The following CCDC57 variants were observed in gnomAD, a reference collection of about 807,000 sequenced individuals.
CCDC57 encodes the protein coiled-coil domain-containing protein 57.
A neutral mutation model predicts 118.9 loss-of-function variants in CCDC57; 118 were observed. The observed-to-expected ratio is 0.99, with a 90% CI of 0.86 to 1.16. CCDC57 has a LOEUF of 1.16. Among genes scored for constraint, CCDC57 ranks in the 50% most tolerant of loss-of-function variants. CCDC57 has a pLI of 0.00. For synonymous variants in CCDC57, 527 were observed against 532.9 expected (o/e 0.99, Z 0.15); for missense variants, 1,300 against 1,320.7 (o/e 0.98, Z 0.24).
chr17:82,121,050 C>T (rs528900661), intron 19 of CCDC57, among the ~76,000 whole-genome samples: 102 of 152,210 alleles, frequency 6.7e-4, no homozygotes, highest in African/African-American at 1.8e-3. Context: ...CTACCGCGCC[C>T]GGCCTCTTGC....
intron 2 of CCDC57, among the ~76,000 whole-genome samples, chr17:82,206,961 AG>A (rs765449551): frequency 1.3e-5 from 2 of 152,234 alleles, no homozygotes; most frequent in Non-Finnish European, 2.9e-5. Flanking sequence ...AAACAAAGAC[AG>A]TAACAGCCCT....
rs2036177748 is a variant in CCDC57, at chr17:82,118,192, G to T, written c.2899+9500C>A. 1.3e-5 allele frequency among the ~76,000 whole-genome samples: 2 copies of T among 152,170 alleles called. No homozygotes were observed. Among genetic ancestry groups the T allele is most frequent in the Non-Finnish European group, 2.9e-5 (2 of 68,030 alleles). On this transcript the variant is annotated intron_variant, in intron 19 of 19. Coordinates refer to ENST00000665763, the Ensembl canonical transcript of CCDC57. This position sits in a 1 kb window ranked among gnomAD's most constrained non-coding sequence, Gnocchi z 4.7. ...CACATATATTTAAAAAACCACTTCT[G>T]TTCTGAGGGTGGCTGGGGAGTCTGG...
At chr17:82,149,229 G>C (rs1312409596) in intron 16 of CCDC57, among the ~76,000 whole-genome samples, 1 of 139,408 alleles carries the variant, frequency 7.2e-6, no homozygotes, top group Non-Finnish European at 1.6e-5. Context: ...GGGTGGGTGG[G>C]TAGATGGGTA....
At chr17:82,123,290 GC>G (rs1047405880) in intron 19 of CCDC57, among the ~76,000 whole-genome samples, 14 of 120,360 alleles carry the variant, frequency 1.2e-4, no homozygotes, top group Admixed American at 2.1e-4. Context: ...AGTGTGCCCG[GC>G]CCTTTTTTTT....
At chr17:82,157,861 G>C in exon 15 of CCDC57, 1 of 1,588,836 alleles carries the variant, frequency 6.3e-7, no homozygotes, top group East Asian at 2.3e-5. Flanking sequence ...ACCTGCTTCC[G>C]CAGCTCCAAA....
At position 82,172,997 on chromosome 17, in the gene CCDC57, C is replaced by A; in HGVS notation, c.1507-137G>T. On this transcript the variant is annotated intron_variant, in intron 11 of 19. Coordinates refer to ENST00000665763, the Ensembl canonical transcript of CCDC57. This position sits in a 1 kb window ranked among gnomAD's most constrained non-coding sequence, Gnocchi z 5.2. ...AGCTTGGGCTGTGGTCCCTCCCCAT[C>A]CCCAGGCTGTGATGCCCCTCCTTTC... is the stretch of plus-strand genomic sequence containing the variant. The A allele has an allele frequency of 1.4e-6, 1 of 725,038 alleles. No individual in the cohort carries two copies. Among genetic ancestry groups the A allele is most frequent in the Non-Finnish European group, 2.4e-6 (1 of 418,934 alleles). 44.9% of individuals were successfully genotyped at this position (725,038 alleles called of 1,614,324 possible).
chr17:82,205,350 G>A (rs562080742), intron 2 of CCDC57, among the ~76,000 whole-genome samples: 4 of 152,270 alleles, frequency 2.6e-5, no homozygotes, highest in South Asian at 4.1e-4. Context: ...CTCATTGGTC[G>A]CAGCCACCCA....
At chr17:82,199,917 C>T (rs1025229872) in intron 3 of CCDC57, among the ~76,000 whole-genome samples, 15 of 152,190 alleles carry the variant, frequency 9.9e-5, no homozygotes, top group Non-Finnish European at 1.3e-4. Flanking sequence ...TTTTTATCCA[C>T]GCCGCGAGAT....
intron 14 of CCDC57, among the ~76,000 whole-genome samples, chr17:82,160,787 T>C (rs557896430): frequency 3.1e-4 from 46 of 147,208 alleles, no homozygotes; most frequent in African/African-American, 1.1e-3. Flanking sequence ...GGCAGGAGAA[T>C]TCCTTGAACC....
intron 9 of CCDC57, among the ~76,000 whole-genome samples, chr17:82,182,795 C>G (rs1462229392): frequency 6.6e-6 from 1 of 152,148 alleles, no homozygotes; most frequent in African/African-American, 2.4e-5. Flanking sequence ...AAGTGATTCT[C>G]CCACCTCAGC....
chr17:82,166,557 C>A (rs573775430), intron 13 of CCDC57, among the ~76,000 whole-genome samples: 1 of 151,882 alleles, frequency 6.6e-6, no homozygotes, highest in Non-Finnish European at 1.5e-5. Context: ...CTCCAGCAAG[C>A]AATTTAATAC....
At position 82,119,830 on chromosome 17, in the gene CCDC57, C is replaced by T. The variant is rs116616282; in HGVS notation, c.2899+7862G>A. On this transcript the variant is annotated intron_variant, in intron 19 of 19. Transcript: ENST00000665763. ...TATCTATCTGAGGCTGTCATAAAAA[C>T]GCAGGTGAGAGAGGAGGCTAGGCTT... Among the ~76,000 whole-genome samples the T allele has an allele frequency of 7.1e-3, 1,084 of 152,188 alleles. 10 individuals carry two copies. Among genetic ancestry groups the T allele is most frequent in the African/African-American group, 0.025 (1,054 of 41,540 alleles).
intron 2 of CCDC57, among the ~76,000 whole-genome samples, chr17:82,202,348 G>C (rs139226139): frequency 6.6e-6 from 1 of 151,414 alleles, no homozygotes; most frequent in Admixed American, 6.6e-5. Flanking sequence ...CGTGCCTGTA[G>C]TCCCAGCTAC....
intron 1 of CCDC57, among the ~76,000 whole-genome samples, chr17:82,209,621 T>TA (rs35551147): frequency 0.49 from 74,245 of 151,784 alleles, 18,907 homozygotes; most frequent in East Asian, 0.88. Flanking sequence ...TAGCTGGGAC[T>TA]CAGACACACG....
At chr17:82,152,878 G>A (rs989052945) in intron 15 of CCDC57, among the ~76,000 whole-genome samples, 2 of 152,252 alleles carry the variant, frequency 1.3e-5, no homozygotes, top group African/African-American at 4.8e-5. Context: ...ATGTGCCGCA[G>A]GTTCATGTGG....
intron 11 of CCDC57, among the ~76,000 whole-genome samples, chr17:82,175,301 C>A (rs945020045): frequency 6.6e-6 from 1 of 152,244 alleles, no homozygotes; most frequent in Non-Finnish European, 1.5e-5. Context: ...TGTCCCAGGA[C>A]GCGCTGAGGG....
At position 82,102,457 on chromosome 17, in the gene CCDC57, G is replaced by A. The variant is rs927571986; in HGVS notation, c.2900-591C>T. 3.9e-5 allele frequency among the ~76,000 whole-genome samples: 6 copies of A among 152,210 alleles called. No individual in the cohort carries two copies. In the East Asian group the frequency reaches 1.2e-3, roughly 29 times the overall value. On this transcript the variant is annotated intron_variant, in intron 19 of 19. Coordinates refer to ENST00000665763, the Ensembl canonical transcript of CCDC57. ...TGCCAGATAGCCCTTCCTAAACATC[G>A]GCTAAAACCATCTTCGCAGAGGGGT...
Position 82,139,704 on chromosome 17 carries a change from T to A in CCDC57, c.2456-5510A>T, listed in dbSNP as rs537376910. Among the ~76,000 whole-genome samples the A allele has an allele frequency of 8.3e-3, 832 of 99,860 alleles. 10 individuals carry two copies. Among genetic ancestry groups the A allele is most frequent in the Non-Finnish European group, 6.9e-3 (331 of 48,116 alleles). 65.5% of individuals were successfully genotyped at this position (99,860 alleles called of 152,430 possible). Reference sequence around the variant, plus strand: ...CTGATGCTCCCCAGAAAGCTCAGAGTGCTTCTTCATCTTGAACAGGGACTG... The same window carrying A: ...CTGATGCTCCCCAGAAAGCTCAGAGAGCTTCTTCATCTTGAACAGGGACTG... On this transcript the variant is annotated intron_variant, in intron 16 of 19. Transcript: ENST00000665763.
At chr17:82,171,954 G>C in intron 12 of CCDC57, 101 bp from the exon 12 acceptor site, 1 of 1,271,424 alleles carries the variant, frequency 7.9e-7, no homozygotes, top group Non-Finnish European at 1.1e-6. Context: ...GCTCATGCCC[G>C]CCAGCTTCAC....
Sources: gnomAD v4.1 joint callset for allele counts (sites outside exome capture counted in the v4.1 genomes callset) on GRCh38, gnomAD v4.1.1 for gene constraint, Gnocchi (gnomAD v3.1) non-coding constraint, MANE v1.5 for transcripts, NCBI Gene and HGNC (gene_info 2026-07-23, HGNC 2026-07-21) for gene names.